The following ZNF566 variants were observed in gnomAD, a reference collection of about 807,000 sequenced individuals.
ZNF566 encodes zinc finger protein 566.
Under a neutral mutation model 32.8 loss-of-function variants are expected in ZNF566, and 27 were observed. The observed-to-expected ratio is 0.82, with a 90% CI of 0.61 to 1.14. The LOEUF is 1.14. Among genes scored for constraint, ZNF566 ranks in the 50% most tolerant of loss-of-function variants. The pLI, the probability that ZNF566 is intolerant of heterozygous loss-of-function variation, is 0.00. For synonymous variants in ZNF566, 154 were observed against 159.5 expected, an observed-to-expected ratio of 0.97 and a Z score of 0.26; for missense variants, 402 against 490.4, an observed-to-expected ratio of 0.82 and a Z score of 1.70.
chr19:36,451,191 C>G (rs887480820), intron 4 of ZNF566, among the ~76,000 whole-genome samples: 3 of 152,082 alleles, frequency 2.0e-5, no homozygotes, highest in African/African-American at 7.2e-5. Flanking sequence ...TTGGATAGCC[C>G]TGGTCTGGAT....
chr19:36,476,773 C>G (rs1178306140), intron 1 of ZNF566, among the ~76,000 whole-genome samples, 157 bp from the exon 2 acceptor site: 1 of 152,084 alleles, frequency 6.6e-6, no homozygotes, highest in African/African-American at 2.4e-5. Context: ...TCAAAGATAC[C>G]AGGCTGTAAC....
chr19:36,471,906 C>A (rs1336007721), intron 4 of ZNF566, among the ~76,000 whole-genome samples: 1 of 152,036 alleles, frequency 6.6e-6, no homozygotes, highest in Non-Finnish European at 1.5e-5. Context: ...CCACACCCAG[C>A]TGATTTTTGT....
intron 1 of ZNF566, among the ~76,000 whole-genome samples, chr19:36,488,612 T>C (rs927027450): frequency 1.3e-5 from 2 of 152,136 alleles, no homozygotes; most frequent in Admixed American, 6.6e-5. Flanking sequence ...GTGTTGTTTA[T>C]AAAATGAAAA....
chr19:36,488,368 T>C (rs2034223862), intron 1 of ZNF566, among the ~76,000 whole-genome samples: 1 of 152,214 alleles, frequency 6.6e-6, no homozygotes, highest in South Asian at 2.1e-4. Context: ...GTGCTGGGAT[T>C]ACACGCATGA....
At chr19:36,462,089 A>G (rs2033479600) in intron 4 of ZNF566, among the ~76,000 whole-genome samples, 1 of 151,566 alleles carries the variant, frequency 6.6e-6, no homozygotes, top group Non-Finnish European at 1.5e-5. Flanking sequence ...CCCGGGTTCA[A>G]GCAATTCTCC....
intron 4 of ZNF566, among the ~76,000 whole-genome samples, chr19:36,468,133 C>T (rs1483118317): frequency 2.0e-5 from 3 of 146,564 alleles, no homozygotes; most frequent in Non-Finnish European, 4.5e-5. Flanking sequence ...TGCGGTGAGC[C>T]GAGATCGTGT....
At chr19:36,473,050 T>C in intron 3 of ZNF566, 44 bp from the exon 4 acceptor site, 1 of 1,537,806 alleles carries the variant, frequency 6.5e-7, no homozygotes, top group Non-Finnish European at 8.9e-7. Context: ...CATGAGCATA[T>C]CCTAGAATTC....
chr19:36,475,218 G>C (rs2033855658), intron 2 of ZNF566, among the ~76,000 whole-genome samples: 1 of 152,036 alleles, frequency 6.6e-6, no homozygotes. Context: ...GCTAATTTTT[G>C]TATTTTTTGT....
At chr19:36,478,686 G>T (rs1029664331) in intron 1 of ZNF566, among the ~76,000 whole-genome samples, 1 of 151,098 alleles carries the variant, frequency 6.6e-6, no homozygotes, top group African/African-American at 2.4e-5. Flanking sequence ...TAGCATCTAA[G>T]AAATACCTAC....
At chr19:36,471,083 A>G (rs903632728) in intron 4 of ZNF566, among the ~76,000 whole-genome samples, 12 of 149,664 alleles carry the variant, frequency 8.0e-5, no homozygotes, top group Non-Finnish European at 1.5e-4. Context: ...GCATGGTGGC[A>G]CGCACCTGTA....
intron 1 of ZNF566, among the ~76,000 whole-genome samples, chr19:36,485,285 A>AAG (rs1555775783): frequency 6.6e-6 from 1 of 150,544 alleles, no homozygotes; most frequent in Non-Finnish European, 1.5e-5. Flanking sequence ...AAAAAAAAAA[A>AAG]AAAGAAAATA....
intron 4 of ZNF566, among the ~76,000 whole-genome samples, chr19:36,464,454 G>A (rs1352582628): frequency 6.6e-6 from 1 of 152,040 alleles, no homozygotes; most frequent in Non-Finnish European, 1.5e-5. Context: ...ACCACACCCA[G>A]CCAATTCGTT....
chr19:36,462,137 C>T (rs12985198), intron 4 of ZNF566, among the ~76,000 whole-genome samples: 31,876 of 151,600 alleles, frequency 0.21, 3,537 homozygotes, highest in South Asian at 0.36. Context: ...TAGAGGCATG[C>T]ACCACCACGC....
At chr19:36,457,066 C>G (rs921825107) in intron 4 of ZNF566, among the ~76,000 whole-genome samples, 1 of 152,092 alleles carries the variant, frequency 6.6e-6, no homozygotes, top group African/African-American at 2.4e-5. Flanking sequence ...ACCAATGGAA[C>G]AGAATACAGA....
chr19:36,458,049 A>G (rs1216127267), intron 4 of ZNF566, among the ~76,000 whole-genome samples: 1 of 152,182 alleles, frequency 6.6e-6, no homozygotes, highest in East Asian at 1.9e-4. Context: ...GGAAAACAGC[A>G]TGGAGGTTTC....
chr19:36,480,274 T>C (rs1056951700), intron 1 of ZNF566, among the ~76,000 whole-genome samples: 46 of 149,776 alleles, frequency 3.1e-4, no homozygotes, highest in African/African-American at 1.1e-3. Flanking sequence ...AAAGACTCCA[T>C]GCAATTTTTT....
intron 4 of ZNF566, among the ~76,000 whole-genome samples, chr19:36,467,377 G>A (rs938025844): frequency 4.1e-5 from 6 of 147,634 alleles, no homozygotes; most frequent in Non-Finnish European, 8.9e-5. Flanking sequence ...AGAGGTTGAA[G>A]TGAGCGAAGA....
intron 4 of ZNF566, among the ~76,000 whole-genome samples, chr19:36,465,456 C>G (rs2033587203): frequency 6.6e-6 from 1 of 150,904 alleles, no homozygotes; most frequent in South Asian, 2.1e-4. Context: ...TATATACATT[C>G]TATATATTCT....
intron 1 of ZNF566, among the ~76,000 whole-genome samples, chr19:36,485,852 G>A (rs1465089098): frequency 1.3e-5 from 2 of 151,752 alleles, no homozygotes; most frequent in Non-Finnish European, 2.9e-5. Flanking sequence ...TCAGGATTTC[G>A]AGACCAGCCT....
Sources: allele counts gnomAD v4.1 joint callset (sites outside exome capture counted in the v4.1 genomes callset), GRCh38; gene constraint gnomAD v4.1.1; transcripts MANE v1.5; gene names NCBI Gene and HGNC (gene_info 2026-07-23, HGNC 2026-07-21).